Variants in SAXO1 observed in about 807,000 individuals in gnomAD.
The protein encoded by SAXO1 is 4930500O09Rik.
In SAXO1, 21 loss-of-function variants were observed where a neutral mutation model predicts 17.5. The observed-to-expected ratio is 1.20, with a 90% CI of 0.85 to 1.72. The LOEUF (loss-of-function observed/expected upper bound fraction) is 1.72. Among genes scored for constraint, SAXO1 ranks in the 40% most tolerant of loss-of-function variants. The probability of loss-of-function intolerance (pLI) is 0.00; values close to 1 mark genes in which losing one functional copy is unlikely to be tolerated. For missense variants in SAXO1, 843 were observed against 596.0 expected (o/e 1.41, Z -4.32); for synonymous variants, 274 against 216.5 (o/e 1.27, Z -2.33).
At chr9:18,941,860 G>A in intron 2 of SAXO1, 21 bp from the exon 3 acceptor site, 1 of 1,612,348 alleles carries the variant, frequency 6.2e-7, no homozygotes, top group Non-Finnish European at 8.5e-7. Context: ...GCAAGTGCAT[G>A]CTGTTGGGGT....
At chr9:18,950,623 G>T in intron 2 of SAXO1, 135 bp downstream of exon 2, 1 of 725,460 alleles carries the variant, frequency 1.4e-6, no homozygotes. Flanking sequence ...AGTACATTAA[G>T]GCATTAATAT....
intron 1 of SAXO1, among the ~76,000 whole-genome samples, chr9:19,025,894 A>G (rs1412932812): frequency 6.7e-6 from 1 of 149,690 alleles, no homozygotes; most frequent in Non-Finnish European, 1.5e-5. Flanking sequence ...TTTTTTTTAT[A>G]TCAGATACTA....
chr9:18,958,200 A>C (rs1293946132), intron 1 of SAXO1, among the ~76,000 whole-genome samples: 2 of 152,074 alleles, frequency 1.3e-5, no homozygotes, highest in Non-Finnish European at 2.9e-5. Context: ...GAGGTGGGTG[A>C]ATCATTTGAG....
Position 19,044,771 on chromosome 9 carries a change from G to C in SAXO1, c.-158+4438C>G, listed in dbSNP as rs545077710. 1.7e-4 allele frequency among the ~76,000 whole-genome samples: 26 copies of C among 152,096 alleles called. No individual in the cohort carries two copies. The South Asian group carries it at 2.5e-3, about 15-fold the overall frequency. The stretch of plus-strand genomic sequence containing the variant: ...CCAGCTACTTGGGAGGCTGAGGCAG[G>C]AGAATGGCGTGAACCCGGGAGGCGG... On this transcript the variant is annotated intron_variant, in intron 1 of 3. Transcript: ENST00000542071.
chr9:19,029,509 CA>C (rs1280987153), intron 1 of SAXO1, among the ~76,000 whole-genome samples: 2 of 152,182 alleles, frequency 1.3e-5, no homozygotes, highest in African/African-American at 2.4e-5. Flanking sequence ...TAGACTTCCA[CA>C]GCTTAGAAAA....
intron 3 of SAXO1, among the ~76,000 whole-genome samples, chr9:18,936,999 T>C (rs916649343): frequency 6.6e-6 from 1 of 152,212 alleles, no homozygotes; most frequent in East Asian, 1.9e-4. Context: ...TGGCACCCAC[T>C]GAAACATGTA....
At chr9:19,035,268 T>C (rs1340217516), upstream of SAXO1, among the ~76,000 whole-genome samples, 1 of 152,144 alleles carries the variant, frequency 6.6e-6, no homozygotes, top group Non-Finnish European at 1.5e-5. Context: ...GGGGGCGGTT[T>C]CCCCCATACT....
At chr9:19,004,836 T>C (rs1360250301) in intron 1 of SAXO1, among the ~76,000 whole-genome samples, 1 of 152,134 alleles carries the variant, frequency 6.6e-6, no homozygotes, top group Non-Finnish European at 1.5e-5. Flanking sequence ...CTGCACATTG[T>C]GCACATGTAC....
intron 1 of SAXO1, among the ~76,000 whole-genome samples, chr9:19,013,301 A>C (rs1245413864): frequency 6.6e-6 from 1 of 152,178 alleles, no homozygotes; most frequent in Admixed American, 6.5e-5. Flanking sequence ...GGGGGTAACA[A>C]AGCCAGGCTA....
intron 1 of SAXO1, among the ~76,000 whole-genome samples, chr9:18,978,195 CA>C (rs1435108331): frequency 6.6e-6 from 1 of 151,984 alleles, no homozygotes; most frequent in Non-Finnish European, 1.5e-5. Context: ...TTCTTGGATC[CA>C]CCCCCAACCC....
Position 19,032,911 on chromosome 9 carries a change from G to T in SAXO1, c.-3C>A, listed in dbSNP as rs993163991. 1.9e-6 allele frequency: 3 copies of T among 1,608,628 alleles called. No homozygotes were observed. The highest frequency in any genetic ancestry group is 2.5e-6 in the Non-Finnish European group (3 of 1,179,248). On this transcript the variant is annotated 5_prime_UTR_variant, in exon 1 of 4. Coordinates refer to ENST00000380534, the MANE Select transcript of SAXO1 (RefSeq NM_153707.4). ...TCACAGATGCACTTCGTCTTCATAG[G>T]GGCGATCCTGAGGCCCTGACGTCCC...
In SAXO1 at chr9:18,928,543, T is replaced by G. The variant is rs200249112; in HGVS notation, c.934A>C (p.Thr312Pro). The G allele has an allele frequency of 1.2e-5, 19 of 1,613,990 alleles. No individual in the cohort carries two copies. The African/African-American group carries it at 2.4e-4, about 20-fold the overall frequency. Residue 312 changes from threonine to proline, a missense_variant, in exon 4 of 4, where the codon ACA becomes CCA. By Grantham distance (38) the Thr-to-Pro change is conservative (BLOSUM62 -1). Transcript: ENST00000380534. ...DLLTTVQAHY[T>P]CPKGAPAQSC... ...TGAGCTGGGGCACCCTTAGGGCATG[T>G]GTAATGGGCCTGCACTGTTGTCAGA...
intron 1 of SAXO1, among the ~76,000 whole-genome samples, chr9:19,009,265 C>G: frequency 6.6e-6 from 1 of 151,938 alleles, no homozygotes. Flanking sequence ...AATTTAATCC[C>G]AGCAGAGCTA....
At position 18,940,904 on chromosome 9, in the gene SAXO1, A is replaced by G. The variant is rs144971242; in HGVS notation, c.421+733T>C. On this transcript the variant is annotated intron_variant, in intron 3 of 3. Transcript: ENST00000380534. ...AAGCAATCCTATTTATATAAAGTTC[A>G]AAACTGGCGAAACTAATTTAAAGTA... 5.9e-4 allele frequency among the ~76,000 whole-genome samples: 90 copies of G among 152,360 alleles called. No individual in the cohort carries two copies. The East Asian group carries it at 0.016, about 26-fold the overall frequency.
At chr9:18,942,420 C>A (rs1007398185) in intron 2 of SAXO1, among the ~76,000 whole-genome samples, 1 of 152,196 alleles carries the variant, frequency 6.6e-6, no homozygotes, top group South Asian at 2.1e-4. Context: ...CTGCGCTCTC[C>A]ACCTTCCTTC....
rs539210416 is a variant in SAXO1 at position 18,938,412 on chromosome 9, T to A, written c.421+3225A>T. On this transcript the variant is annotated intron_variant, in intron 3 of 3. Coordinates refer to ENST00000380534, the MANE Select transcript of SAXO1 (RefSeq NM_153707.4). ...ACTCATGGTGGAAGGCAAAGTGCAA[T>A]AAGGCATCCTACACGGCAGGAGCAG... Among the ~76,000 whole-genome samples, 30 of 152,070 alleles carry A rather than the reference T, an allele frequency of 2.0e-4. 1 individual carries two copies. In the South Asian group the frequency reaches 6.2e-3, roughly 32 times the overall value.
intron 1 of SAXO1, among the ~76,000 whole-genome samples, chr9:18,979,454 G>C (rs537996946): frequency 1.3e-5 from 2 of 152,326 alleles, no homozygotes; most frequent in Admixed American, 6.5e-5. Flanking sequence ...TGGTGAATGG[G>C]GGTATCTGTG....
intron 1 of SAXO1, among the ~76,000 whole-genome samples, chr9:18,973,134 C>G (rs994233424): frequency 6.6e-6 from 1 of 152,204 alleles, no homozygotes; most frequent in African/African-American, 2.4e-5. Flanking sequence ...GACCACCCAA[C>G]AGAATCTGTT....
chr9:18,929,868 T>C (rs1250215750), intron 3 of SAXO1, among the ~76,000 whole-genome samples: 1 of 152,200 alleles, frequency 6.6e-6, no homozygotes, highest in Non-Finnish European at 1.5e-5. Flanking sequence ...CACTCTACTC[T>C]CTGGTTCTAA....
Sources: allele counts gnomAD v4.1 joint callset (sites outside exome capture counted in the v4.1 genomes callset), GRCh38; gene constraint gnomAD v4.1.1; transcripts MANE v1.5; gene names NCBI Gene and HGNC (gene_info 2026-07-23, HGNC 2026-07-21).